MTUS2: variants seen among roughly 807,000 people sequenced by gnomAD.
MTUS2 encodes microtubule associated scaffold protein 2.
A neutral mutation model predicts 114.1 loss-of-function variants in MTUS2; 40 were observed. The observed-to-expected ratio is 0.35, with a 90% confidence interval of 0.27 to 0.46. The LOEUF is 0.46. Among genes scored for constraint, MTUS2 ranks in the 20% least tolerant of loss-of-function variants. The pLI, the probability that MTUS2 is intolerant of heterozygous loss-of-function variation, is 1.00. For missense variants in MTUS2, 1,679 were observed against 1,705.4 expected (o/e 0.98, Z 0.27); for synonymous variants, 688 against 672.0 (o/e 1.02, Z -0.37).
rs141801240 is a variant in MTUS2, at chr13:29,439,967, G to A, written c.3118-16G>A. On this transcript the variant is annotated splice_polypyrimidine_tract_variant and intron_variant, in intron 8 of 15. Coordinates refer to ENST00000612955, the MANE Select transcript of MTUS2 (RefSeq NM_001033602.4). ...TAAAACTAGGGGACTCTCGGTATCC[G>A]TTTTTGTTTTTTCAGAATGAAAGTG... 8.0e-4 allele frequency: 1,249 copies of A among 1,570,122 alleles called. 10 individuals carry two copies. In the African/African-American group the frequency reaches 0.013, roughly 17 times the overall value.
At chr13:29,359,130 C>T in intron 7 of MTUS2, 132 bp from the exon 8 acceptor site, 1 of 884,456 alleles carries the variant, frequency 1.1e-6, no homozygotes, top group Non-Finnish European at 1.7e-6. Context: ...CTTTTCAATC[C>T]TTAAAAATGA....
chr13:29,383,284 G>C (rs1305811669), intron 8 of MTUS2, among the ~76,000 whole-genome samples: 2 of 50,850 alleles, frequency 3.9e-5, no homozygotes, highest in East Asian at 1.8e-3. Flanking sequence ...TCTTTAGGCA[G>C]TGTAATGCCT....
At chr13:29,061,964 G>A (rs1888440757) in intron 4 of MTUS2, among the ~76,000 whole-genome samples, 1 of 152,020 alleles carries the variant, frequency 6.6e-6, no homozygotes, top group Admixed American at 6.6e-5. Flanking sequence ...TTTTATGATT[G>A]TTTTACTTTG....
chr13:29,361,574 G>A (rs1870255577), intron 8 of MTUS2, among the ~76,000 whole-genome samples: 1 of 152,104 alleles, frequency 6.6e-6, no homozygotes, highest in Admixed American at 6.5e-5. Flanking sequence ...TAGTAATACT[G>A]AATTAGACCA....
chr13:28,948,690 G>A (rs940533951), intron 2 of MTUS2, among the ~76,000 whole-genome samples: 3 of 152,156 alleles, frequency 2.0e-5, no homozygotes, highest in African/African-American at 7.2e-5. Context: ...CCAGAGCACC[G>A]TGATGGAGTT....
chr13:28,916,303 T>G (rs1272032686), intron 2 of MTUS2, among the ~76,000 whole-genome samples: 1 of 151,878 alleles, frequency 6.6e-6, no homozygotes, highest in African/African-American at 2.4e-5. Context: ...TCCACAGACA[T>G]ATTAGCGTTG....
intron 6 of MTUS2, among the ~76,000 whole-genome samples, chr13:29,287,859 G>A (rs896260121): frequency 6.6e-6 from 1 of 152,178 alleles, no homozygotes; most frequent in African/African-American, 2.4e-5. Flanking sequence ...AGTGAGACAC[G>A]ATTCCTGTCC....
intron 4 of MTUS2, among the ~76,000 whole-genome samples, chr13:29,075,553 T>G (rs2475519): frequency 6.6e-6 from 1 of 151,968 alleles, no homozygotes. Flanking sequence ...GAGTCTGCTA[T>G]GAATATTACT....
intron 8 of MTUS2, among the ~76,000 whole-genome samples, chr13:29,418,095 C>G (rs1274870403): frequency 6.6e-6 from 1 of 152,196 alleles, no homozygotes; most frequent in African/African-American, 2.4e-5. Context: ...AGCCCCTGCT[C>G]TAACTGGTAA....
At chr13:28,968,999 TAAATA>T (rs751991691) in intron 2 of MTUS2, among the ~76,000 whole-genome samples, 14 of 152,206 alleles carry the variant, frequency 9.2e-5, no homozygotes, top group Non-Finnish European at 1.6e-4. Flanking sequence ...ATCAAAATTT[TAAATA>T]AAGTTGTTTT....
At chr13:28,922,203 G>A (rs1881079972) in intron 2 of MTUS2, among the ~76,000 whole-genome samples, 1 of 152,172 alleles carries the variant, frequency 6.6e-6, no homozygotes, top group Non-Finnish European at 1.5e-5. Flanking sequence ...CTTCCACCAT[G>A]ATTGTAAGTT....
At chr13:28,881,027 G>GTGGA (rs1878255894) in intron 2 of MTUS2, among the ~76,000 whole-genome samples, 1 of 152,050 alleles carries the variant, frequency 6.6e-6, no homozygotes, top group Admixed American at 6.6e-5. Context: ...GGTTTGTTAC[G>GTGGA]TGGATATACT....
intron 5 of MTUS2, among the ~76,000 whole-genome samples, chr13:29,156,916 T>C (rs1033715717): frequency 1.3e-5 from 2 of 152,202 alleles, no homozygotes; most frequent in Non-Finnish European, 2.9e-5. Flanking sequence ...TGTGAAACTT[T>C]TACCATGGAG....
intron 8 of MTUS2, among the ~76,000 whole-genome samples, chr13:29,374,136 A>T (rs552482620): frequency 2.6e-5 from 4 of 151,726 alleles, no homozygotes; most frequent in East Asian, 3.9e-4. Context: ...AGATCAGTAG[A>T]AATTGTCCAA....
intron 2 of MTUS2, among the ~76,000 whole-genome samples, chr13:28,944,038 CTG>C (rs1310564530): frequency 6.6e-6 from 1 of 151,842 alleles, no homozygotes; most frequent in Non-Finnish European, 1.5e-5. Context: ...GTAGGCAAGT[CTG>C]TGGTTTTTTT....
At chr13:29,210,917 G>C (rs2139280966) in intron 5 of MTUS2, among the ~76,000 whole-genome samples, 1 of 152,304 alleles carries the variant, frequency 6.6e-6, no homozygotes, top group South Asian at 2.1e-4. Context: ...GCCAGGAGGT[G>C]ACGCTTTCAA....
At chr13:29,440,920 C>T (rs1376396235) in intron 9 of MTUS2, among the ~76,000 whole-genome samples, 2 of 152,162 alleles carry the variant, frequency 1.3e-5, no homozygotes, top group Non-Finnish European at 2.9e-5. Context: ...CTCAGGTGTG[C>T]AGTGGACAGA....
At chr13:29,413,326 C>T (rs907150046) in intron 8 of MTUS2, among the ~76,000 whole-genome samples, 5 of 152,052 alleles carry the variant, frequency 3.3e-5, no homozygotes, top group African/African-American at 4.8e-5. Context: ...TAGATTTAAA[C>T]GTTAGACCTA....
intron 2 of MTUS2, among the ~76,000 whole-genome samples, chr13:28,991,489 C>T (rs770127561): frequency 2.0e-5 from 3 of 151,896 alleles, no homozygotes; most frequent in African/African-American, 7.3e-5. Flanking sequence ...CTGCCTCAGC[C>T]TCCTGAGTAG....
Sources: allele counts gnomAD v4.1 joint callset (sites outside exome capture counted in the v4.1 genomes callset), GRCh38; gene constraint gnomAD v4.1.1; transcripts MANE v1.5; gene names NCBI Gene and HGNC (gene_info 2026-07-23, HGNC 2026-07-21).